Variants in GASK1B observed in about 807,000 individuals in gnomAD.
The protein encoded by GASK1B is Golgi-associated kinase 1B.
In GASK1B, 34 loss-of-function variants were observed where a neutral mutation model predicts 42.8. The observed-to-expected ratio is 0.79, with a 90% CI of 0.60 to 1.06. The LOEUF (loss-of-function observed/expected upper bound fraction) is 1.06. Ranked by LOEUF, GASK1B falls within the 50% of genes least tolerant of loss-of-function variation. The pLI is 0.00. For synonymous variants in GASK1B, 262 were observed against 259.1 expected, an observed-to-expected ratio of 1.01 and a Z score of -0.11; for missense variants, 686 against 661.0, an observed-to-expected ratio of 1.04 and a Z score of -0.42.
rs1451179816 is a variant in GASK1B at position 158,171,335 on chromosome 4, A to C, written c.41T>G (p.Phe14Cys). ...PDKPGQLINWFICSLCVPRVR... is the reference protein window; with the variant it reads ...PDKPGQLINWCICSLCVPRVR... ...CCGCGGGACGCACAGGGAGCAGATG[A>C]ACCAGTTTATGAGCTGCCCCGGCTT... Residue 14 changes from phenylalanine to cysteine, a missense_variant, in exon 2 of 5, where the codon TTC (phenylalanine) becomes TGC (cysteine). Physicochemically the swap from Phe to Cys is radical, Grantham distance 205. Transcript: ENST00000585682. 1 of 1,609,568 alleles carries C rather than the reference A, an allele frequency of 6.2e-7. No individual in the cohort carries two copies. Among genetic ancestry groups the C allele is most frequent in the South Asian group, 1.1e-5 (1 of 90,438 alleles).
intron 3 of GASK1B, 142 bp from the exon 4 acceptor site, chr4:158,131,154 T>G: frequency 1.5e-6 from 1 of 668,702 alleles, no homozygotes; most frequent in Non-Finnish European, 2.5e-6. Context: ...TAAAGGCAAC[T>G]GTCAGAACAA....
intron 2 of GASK1B, among the ~76,000 whole-genome samples, chr4:158,167,632 T>C (rs1732278526): frequency 6.6e-6 from 1 of 152,120 alleles, no homozygotes; most frequent in Admixed American, 6.5e-5. Flanking sequence ...GATCCAGAAA[T>C]GCAATTCTAA....
chr4:158,141,802 T>A (rs1185414034), intron 3 of GASK1B, among the ~76,000 whole-genome samples: 1 of 151,128 alleles, frequency 6.6e-6, no homozygotes, highest in East Asian at 2.0e-4. Flanking sequence ...AGAGACGGGG[T>A]TTCACTGTGT....
In GASK1B at chr4:158,171,535, G is replaced by T; in HGVS notation, c.-160C>A. 1.5e-6 allele frequency: 1 copy of T among 662,536 alleles called. No homozygotes were observed. The highest frequency in any genetic ancestry group is 2.4e-6 in the Non-Finnish European group (1 of 425,516). 41.0% of individuals were successfully genotyped at this position (662,536 alleles called of 1,614,324 possible). ...AGGAAAGGGTTGGTGATGAAGCTGG[G>T]AATGTTTCTGACACAACAAACCTTT... On this transcript the variant is annotated 5_prime_UTR_variant, in exon 2 of 5. Transcript: ENST00000585682.
At position 158,170,703 on chromosome 4, in the gene GASK1B, G is replaced by T. The variant is rs1451120583; in HGVS notation, c.673C>A (p.Arg225=). 2 of 1,614,186 alleles carry T rather than the reference G, an allele frequency of 1.2e-6. No homozygotes were observed. The highest frequency in any genetic ancestry group is 1.7e-6 in the Non-Finnish European group (2 of 1,180,056). ...WLSKDDIRRM[R]LLADSAVAGL... ...GCCACTGCGCTGTCCGCCAAGAGTCGCATTCTTCGGATGTCATCTTTGCTC... is the reference window on the plus strand; with the variant it reads ...GCCACTGCGCTGTCCGCCAAGAGTCTCATTCTTCGGATGTCATCTTTGCTC... The change falls in exon 2 of 5, where the codon CGA becomes AGA. Residue 225 remains arginine (R), a synonymous_variant. Transcript: ENST00000585682.
At chr4:158,170,022 T>C (rs2111028160) in intron 2 of GASK1B, 2 of 565,966 alleles carry the variant, frequency 3.5e-6, no homozygotes, top group East Asian at 2.9e-5. Flanking sequence ...GAAGATTCCA[T>C]CTGCTCAAGA....
chr4:158,170,080 A>G, intron 2 of GASK1B: 1 of 690,920 alleles, frequency 1.4e-6, no homozygotes, highest in Non-Finnish European at 2.4e-6. Context: ...ACTTCCTCCC[A>G]TAGTAACCTA....
intron 4 of GASK1B, among the ~76,000 whole-genome samples, chr4:158,129,988 T>G (rs994746659): frequency 6.6e-6 from 1 of 152,188 alleles, no homozygotes; most frequent in Non-Finnish European, 1.5e-5. Flanking sequence ...TTCCAATAGA[T>G]GTATGATCAA....
Position 158,155,682 on chromosome 4 carries a change from G to A in GASK1B, c.1054C>T (p.Pro352Ser). The A allele has an allele frequency of 6.2e-7, 1 of 1,613,910 alleles. No individual in the cohort carries two copies. Among genetic ancestry groups the A allele is most frequent in the Non-Finnish European group, 8.5e-7 (1 of 1,179,816 alleles). The change falls in exon 3 of 5, where the codon CCT becomes TCT. Residue 352 changes from proline to serine, a missense_variant. Transcript: ENST00000585682. Reference protein sequence around the residue: ...KCWQNGRVPKPESGCTEIHHH... With the variant: ...KCWQNGRVPKSESGCTEIHHH... ...TGTATTTCAGTACAACCCGATTCAGGCTTGGGTACTCGGCCATTCTGCCAG... is the reference window on the plus strand; with the variant it reads ...TGTATTTCAGTACAACCCGATTCAGACTTGGGTACTCGGCCATTCTGCCAG...
intron 3 of GASK1B, among the ~76,000 whole-genome samples, chr4:158,140,845 A>T (rs1319007041): frequency 6.6e-6 from 1 of 152,232 alleles, no homozygotes; most frequent in Non-Finnish European, 1.5e-5. Flanking sequence ...CTAACTATGC[A>T]CTGATCAATT....
At position 158,126,874 on chromosome 4, in the gene GASK1B, A is replaced by G. The variant is rs1730472405; in HGVS notation, c.*533T>C. 1 of 152,340 alleles carries G rather than the reference A, an allele frequency of 6.6e-6. No individual in the cohort carries two copies. The highest frequency in any genetic ancestry group is 1.9e-4 in the East Asian group (1 of 5,186). The allele number at this position is 152,340 out of a possible 1,614,324, so 9.4% of individuals were successfully genotyped here. A position where few individuals can be genotyped will look rare whatever the true frequency, so the allele number is the denominator to read the frequency against. Reference sequence around the variant, plus strand: ...TGCAAATAAACCAGCATTTCTGTTTAAATGTATGGTCAGCTCTGATGCTCT... The same window carrying G: ...TGCAAATAAACCAGCATTTCTGTTTGAATGTATGGTCAGCTCTGATGCTCT... On this transcript the variant is annotated 3_prime_UTR_variant, in exon 5 of 5. Coordinates refer to ENST00000585682, the MANE Select transcript of GASK1B (RefSeq NM_001128424.2).
Position 158,127,269 on chromosome 4 carries a change from C to T in GASK1B, c.*138G>A. ...ACAGTGCTAAGTCCCATTATAGCTA[C>T]TTGGTTAAAGTCATTTATTTTACGT... On this transcript the variant is annotated 3_prime_UTR_variant, in exon 5 of 5. Transcript: ENST00000585682. 1.4e-6 allele frequency: 1 copy of T among 699,878 alleles called. No individual in the cohort carries two copies. Among genetic ancestry groups the T allele is most frequent in the South Asian group, 1.8e-5 (1 of 55,078 alleles). 43.4% of individuals were successfully genotyped at this position (699,878 alleles called of 1,614,324 possible).
Position 158,131,027 on chromosome 4 carries a change from C to G in GASK1B, c.1126-15G>C. On this transcript the variant is annotated splice_polypyrimidine_tract_variant and intron_variant, in intron 3 of 4. Coordinates refer to ENST00000585682, the MANE Select transcript of GASK1B (RefSeq NM_001128424.2). ...CGATTATAAATCTGTAAATGGAAAA[C>G]ACAAAATCCAAGATGCTGAGTGAAA... is the stretch of plus-strand genomic sequence containing the variant. The G allele has an allele frequency of 6.2e-7, 1 of 1,604,680 alleles. No individual in the cohort carries two copies. The highest frequency in any genetic ancestry group is 8.5e-7 in the Non-Finnish European group (1 of 1,173,246).
rs35431615 is a variant in GASK1B, at chr4:158,170,862, G to C, written c.514C>G (p.Leu172Val). Reference sequence around the variant, plus strand: ...CAGGGTCGCTCTCCAATCTTAACCAGGTTTGCTCCCTGAGCGTACCCAGGT... The same window carrying C: ...CAGGGTCGCTCTCCAATCTTAACCACGTTTGCTCCCTGAGCGTACCCAGGT... ...VAPGYAQGAN[L>V]VKIGERPWRL... Residue 172 changes from leucine to valine, a missense_variant, in exon 2 of 5, where the codon CTG (leucine) becomes GTG (valine). Coordinates refer to ENST00000585682, the MANE Select transcript of GASK1B (RefSeq NM_001128424.2). 2.8e-4 allele frequency: 446 copies of C among 1,614,230 alleles called. No individual in the cohort carries two copies. The African/African-American group carries it at 5.4e-3, about 20-fold the overall frequency.
chr4:158,157,621 AT>A (rs554668673), intron 2 of GASK1B, among the ~76,000 whole-genome samples: 75 of 152,230 alleles, frequency 4.9e-4, no homozygotes, highest in African/African-American at 1.7e-3. Flanking sequence ...AACCAAAGTT[AT>A]ATGCACACAA....
At position 158,125,613 on chromosome 4, in the gene GASK1B, T is replaced by C. The variant is rs1207543961; in HGVS notation, c.*1794A>G. The C allele has an allele frequency of 6.6e-6, 1 of 151,742 alleles. No individual in the cohort carries two copies. The highest frequency in any genetic ancestry group is 1.5e-5 in the Non-Finnish European group (1 of 67,940). 9.4% of individuals were successfully genotyped at this position (151,742 alleles called of 1,614,324 possible). A position where few individuals can be genotyped will look rare whatever the true frequency, so the allele number is the denominator to read the frequency against. On this transcript the variant is annotated 3_prime_UTR_variant, in exon 5 of 5. Coordinates refer to ENST00000585682, the MANE Select transcript of GASK1B (RefSeq NM_001128424.2). ...TCTTAAAAATCCCAGAGACAGTGAG[T>C]AAAAGTGGAGACTCAAAAGAGCCAA...
intron 1 of GASK1B, among the ~76,000 whole-genome samples, chr4:158,171,949 AC>A (rs1298127913): frequency 6.6e-6 from 1 of 152,196 alleles, no homozygotes; most frequent in Non-Finnish European, 1.5e-5. Flanking sequence ...AATACTCTAT[AC>A]CTATACCATT....
intron 3 of GASK1B, among the ~76,000 whole-genome samples, chr4:158,151,064 T>C (rs1236177770): frequency 6.6e-6 from 1 of 152,186 alleles, no homozygotes; most frequent in Non-Finnish European, 1.5e-5. Flanking sequence ...CATCCTAAAT[T>C]TCCACAAGAT....
intron 2 of GASK1B, chr4:158,168,745 G>A (rs1013782473): frequency 1.3e-5 from 2 of 152,242 alleles, no homozygotes; most frequent in East Asian, 3.9e-4. Context: ...GCGTCTAAGG[G>A]AAGCTCAAAG....
Sources: gnomAD v4.1 joint callset for allele counts (sites outside exome capture counted in the v4.1 genomes callset) on GRCh38, gnomAD v4.1.1 for gene constraint, MANE v1.5 for transcripts, NCBI Gene and HGNC (gene_info 2026-07-23, HGNC 2026-07-21) for gene names.